TRDN: variants seen among roughly 807,000 people sequenced by gnomAD.
TRDN encodes triadin.
In TRDN, 161 loss-of-function variants were observed where a neutral mutation model predicts 149.7. That is an observed-to-expected ratio of 1.08 (90% CI 0.95 to 1.23). TRDN has a LOEUF of 1.23. Ranked by LOEUF, TRDN falls within the 50% of genes most tolerant of loss-of-function variation. The pLI is 0.00. For synonymous variants in TRDN, 294 were observed against 250.5 expected (o/e 1.17, Z -1.64); for missense variants, 896 against 823.5 (o/e 1.09, Z -1.08).
chr6:123,508,335 T>A (rs1779021538), intron 7 of TRDN, among the ~76,000 whole-genome samples: 1 of 152,194 alleles, frequency 6.6e-6, no homozygotes, highest in Non-Finnish European at 1.5e-5. Context: ...GCACACGTAT[T>A]AATATTAACC....
At chr6:123,623,839 T>C (rs184753169) in intron 1 of TRDN, among the ~76,000 whole-genome samples, 1 of 152,240 alleles carries the variant, frequency 6.6e-6, no homozygotes, top group Admixed American at 6.6e-5. Flanking sequence ...AATATTAATA[T>C]CTCATCAGTT....
At chr6:123,584,703 T>A (rs1170088537) in intron 1 of TRDN, among the ~76,000 whole-genome samples, 1 of 151,980 alleles carries the variant, frequency 6.6e-6, no homozygotes, top group African/African-American at 2.4e-5. Context: ...CTAGTGGGTG[T>A]CAGGGTCAGT....
At chr6:123,335,501 T>G (rs1779829120) in intron 22 of TRDN, among the ~76,000 whole-genome samples, 1 of 151,860 alleles carries the variant, frequency 6.6e-6, no homozygotes, top group Admixed American at 6.6e-5. Flanking sequence ...AATATACAAT[T>G]GCAACAATAT....
intron 19 of TRDN, among the ~76,000 whole-genome samples, chr6:123,368,293 T>A (rs371814401): frequency 6.6e-6 from 1 of 152,220 alleles, no homozygotes; most frequent in Admixed American, 6.5e-5. Context: ...TCTACTCCTC[T>A]TCATTGTTGT....
chr6:123,548,572 C>T lies in TRDN; in HGVS notation c.273G>A (p.Leu91=). The part of the protein sequence containing the change: ...IAKIGSDPLK[L]VRDAMEETTD... ...TGGTTTCCTCCATAGCATCACGTAC[C>T]AGTTTTAAAGGATCTGAGCCAATCT... Residue 91 remains leucine (L), a synonymous_variant, in exon 3 of 41, where the codon CTG becomes CTA. Coordinates refer to ENST00000334268, the MANE Select transcript of TRDN (RefSeq NM_006073.4). 1.3e-6 allele frequency: 2 copies of T among 1,551,464 alleles called. No homozygotes were observed. The highest frequency in any genetic ancestry group is 1.7e-6 in the Non-Finnish European group (2 of 1,147,344).
chr6:123,393,033 C>A (rs1412186484), intron 13 of TRDN, among the ~76,000 whole-genome samples: 1 of 152,042 alleles, frequency 6.6e-6, no homozygotes, highest in Admixed American at 6.6e-5. Flanking sequence ...AAAGGCAGAA[C>A]ACTTGAACCC....
intron 19 of TRDN, among the ~76,000 whole-genome samples, chr6:123,372,412 G>A (rs1314789789): frequency 6.6e-6 from 1 of 152,064 alleles, no homozygotes; most frequent in Admixed American, 6.6e-5. Context: ...CCCAATCTGT[G>A]CAATGCTAAA....
At chr6:123,622,462 T>G (rs377688507) in intron 1 of TRDN, among the ~76,000 whole-genome samples, 128 of 152,286 alleles carry the variant, frequency 8.4e-4, no homozygotes, top group African/African-American at 2.8e-3. Flanking sequence ...CAAAGTTATA[T>G]GTGAATTTTC....
In TRDN at chr6:123,347,878, T is replaced by C. The variant is rs192990698; in HGVS notation, c.1369+4661A>G. On this transcript the variant is annotated intron_variant, in intron 21 of 40. Transcript: ENST00000334268. ...TAGAGCTAAACTAAGCCCAAAGTTT[T>C]ATTTGGAGATAGCTCTGTGCTCTAT... Among the ~76,000 whole-genome samples the C allele has an allele frequency of 9.9e-5, 15 of 152,226 alleles. No individual in the cohort carries two copies. In the East Asian group the frequency reaches 2.9e-3, roughly 29 times the overall value.
chr6:123,397,574 C>T (rs575984707), intron 12 of TRDN, among the ~76,000 whole-genome samples: 1 of 152,208 alleles, frequency 6.6e-6, no homozygotes, highest in East Asian at 1.9e-4. Context: ...CAATTGACTG[C>T]TTTGAAATGG....
At chr6:123,494,275 C>T (rs945854179) in intron 9 of TRDN, among the ~76,000 whole-genome samples, 1 of 152,162 alleles carries the variant, frequency 6.6e-6, no homozygotes, top group African/African-American at 2.4e-5. Flanking sequence ...AGGGCTCTCT[C>T]TGTGCGGTCG....
intron 38 of TRDN, among the ~76,000 whole-genome samples, chr6:123,251,341 G>A (rs1294100034): frequency 6.6e-6 from 1 of 151,994 alleles, no homozygotes; most frequent in Non-Finnish European, 1.5e-5. Context: ...GGGGATTTGG[G>A]AAATTGAAAT....
chr6:123,387,451 T>C (rs1054895424), intron 14 of TRDN, among the ~76,000 whole-genome samples: 4 of 152,138 alleles, frequency 2.6e-5, no homozygotes, highest in Admixed American at 1.3e-4. Flanking sequence ...GTGACTATTA[T>C]TAATGTCTGG....
intron 24 of TRDN, among the ~76,000 whole-genome samples, chr6:123,303,530 A>C (rs1329841886): frequency 6.6e-6 from 1 of 152,164 alleles, no homozygotes; most frequent in Non-Finnish European, 1.5e-5. Context: ...TTACCGCTAG[A>C]AAGTCATGGG....
chr6:123,456,719 T>G, intron 10 of TRDN: 1 of 442,666 alleles, frequency 2.3e-6, no homozygotes, highest in South Asian at 1.6e-5. Context: ...TCCACCCACC[T>G]TGGCCTCCCA....
chr6:123,338,882 A>T (rs1490558311), intron 21 of TRDN, among the ~76,000 whole-genome samples: 1 of 152,146 alleles, frequency 6.6e-6, no homozygotes, highest in East Asian at 1.9e-4. Context: ...TATTAATTCT[A>T]ATTTTAAAAT....
intron 21 of TRDN, chr6:123,351,287 T>C: frequency 3.1e-6 from 3 of 958,024 alleles, no homozygotes; most frequent in Non-Finnish European, 3.7e-6. Context: ...TATGTTTTCA[T>C]GTTTGCCCTA....
At chr6:123,436,214 C>G (rs1213949502) in intron 12 of TRDN, among the ~76,000 whole-genome samples, 1 of 152,118 alleles carries the variant, frequency 6.6e-6, no homozygotes, top group Non-Finnish European at 1.5e-5. Flanking sequence ...ATCCACTGCT[C>G]TAAGCAAGCA....
At position 123,255,910 on chromosome 6, in the gene TRDN, G is replaced by T; in HGVS notation, c.1871-8C>A. The T allele has an allele frequency of 1.6e-6, 2 of 1,277,606 alleles. No homozygotes were observed. The highest frequency in any genetic ancestry group is 2.0e-6 in the Non-Finnish European group (2 of 989,474). 79.1% of individuals were successfully genotyped at this position (1,277,606 alleles called of 1,614,324 possible). A position where few individuals can be genotyped will look rare whatever the true frequency, so the allele number is the denominator to read the frequency against. On this transcript the variant is annotated splice_polypyrimidine_tract_variant and splice_region_variant and intron_variant, in intron 35 of 40. Transcript: ENST00000334268. ...GCTTCATGTCTGCTTTTTCTGTATA[G>T]AAGAAACAGTAACAGGGTAATTTAT...
Sources: gnomAD v4.1 joint callset for allele counts (sites outside exome capture counted in the v4.1 genomes callset) on GRCh38, gnomAD v4.1.1 for gene constraint, MANE v1.5 for transcripts, NCBI Gene and HGNC (gene_info 2026-07-23, HGNC 2026-07-21) for gene names.